Variants in PRKRA observed in about 807,000 individuals in gnomAD.
The protein encoded by PRKRA is protein activator of interferon induced protein kinase EIF2AK2.
Under a neutral mutation model 32.4 loss-of-function variants are expected in PRKRA, and 22 were observed. The observed-to-expected ratio is 0.68, with a 90% CI of 0.49 to 0.97. The LOEUF is 0.97. Ranked by LOEUF, PRKRA falls within the 50% of genes least tolerant of loss-of-function variation. The probability of loss-of-function intolerance (pLI) is 0.00; values close to 1 mark genes in which losing one functional copy is unlikely to be tolerated. For synonymous variants in PRKRA, 139 were observed against 129.8 expected, an observed-to-expected ratio of 1.07 and a Z score of -0.48; for missense variants, 319 against 375.6, an observed-to-expected ratio of 0.85 and a Z score of 1.25.
chr2:178,436,071 A>T, intron 7 of PRKRA, 74 bp downstream of exon 7: 1 of 1,079,838 alleles, frequency 9.3e-7, no homozygotes, highest in Admixed American at 3.1e-5. Context: ...TTTATTCCTC[A>T]AACACATTTT....
chr2:178,447,762 G>C (rs1182095972), intron 2 of PRKRA, among the ~76,000 whole-genome samples, 176 bp from the exon 3 acceptor site: 2 of 151,996 alleles, frequency 1.3e-5, no homozygotes, highest in Non-Finnish European at 2.9e-5. Flanking sequence ...ATACTACATG[G>C]TTATATACTG....
Position 178,450,309 on chromosome 2 carries a change from T to A in PRKRA, c.168A>T (p.Arg56Ser), listed in dbSNP as rs1416326316. ...TGGGCACGTGTATTTGCACATCAGA[T>A]CTTTCACATTCATAAACTGGGATGT... ...TKNIPVYECE[R>S]SDVQIHVPTF... Residue 56 changes from arginine (R) to serine (S), a missense_variant, in exon 2 of 8, where the codon AGA (arginine) becomes AGT (serine). Transcript: ENST00000325748. 1 of 1,614,278 alleles carries A rather than the reference T, an allele frequency of 6.2e-7. No individual in the cohort carries two copies. Among genetic ancestry groups the A allele is most frequent in the Non-Finnish European group, 8.5e-7 (1 of 1,180,050 alleles).
chr2:178,440,623 CT>C (rs1697074548), intron 6 of PRKRA, among the ~76,000 whole-genome samples: 1 of 152,176 alleles, frequency 6.6e-6, no homozygotes, highest in Non-Finnish European at 1.5e-5. Flanking sequence ...TACCATGCCC[CT>C]TTACCTCAGT....
In PRKRA at chr2:178,432,169, G is replaced by A. The variant is rs537898766; in HGVS notation, c.870C>T (p.Ser290=). The stretch of plus-strand genomic sequence containing the variant: ...CTGCATCACTTTGTGCATTGCCACA[G>A]GAGATACCGGAGCCATGACAGACTG... ...PITVCHGSGI[S]CGNAQSDAAH... Residue 290 remains serine (S), a synonymous_variant, in exon 8 of 8, where the codon TCC becomes TCT. Transcript: ENST00000325748. 61 of 1,614,230 alleles carry A rather than the reference G, an allele frequency of 3.8e-5. No homozygotes were observed. In the South Asian group the frequency reaches 6.7e-4, roughly 18 times the overall value.
chr2:178,433,053 A>C (rs1432793954), intron 7 of PRKRA, among the ~76,000 whole-genome samples: 6 of 152,212 alleles, frequency 3.9e-5, no homozygotes, highest in Non-Finnish European at 5.9e-5. Context: ...TTGATACTCT[A>C]TTTAGTGGAA....
intron 2 of PRKRA, 134 bp downstream of exon 2, chr2:178,450,108 A>T: frequency 8.9e-7 from 1 of 1,122,998 alleles, no homozygotes; most frequent in Non-Finnish European, 1.4e-6. Context: ...TAACGACCTG[A>T]GATGAGAGGT....
chr2:178,437,664 T>C (rs1023393807), intron 6 of PRKRA, among the ~76,000 whole-genome samples: 4 of 152,234 alleles, frequency 2.6e-5, no homozygotes, highest in East Asian at 1.9e-4. Flanking sequence ...TGAACCAATT[T>C]ATACTCCTAC....
intron 5 of PRKRA, 131 bp from the exon 6 acceptor site, chr2:178,441,835 C>T (rs142834816): frequency 2.4e-5 from 18 of 741,428 alleles, no homozygotes; most frequent in Non-Finnish European, 4.2e-5. Flanking sequence ...TATGTTCTTA[C>T]TGACCTGATA....
Position 178,447,504 on chromosome 2 carries a change from C to CATTAAGGGGTCAGGAACTGCAAAG in PRKRA, c.317_317+1insCTTTGCAGTTCCTGACCCCTTAAT (p.Leu113_Met114insIlePheAlaValProAspProLeu), listed in dbSNP as rs1697366798. 9.1e-3 allele frequency: 9,032 copies of CATTAAGGGGTCAGGAACTGCAAAG among 987,158 alleles called. 2 individuals carry two copies. The East Asian group carries it at 0.14, about 15-fold the overall frequency. 61.1% of individuals were successfully genotyped at this position (987,158 alleles called of 1,614,324 possible). A position where few individuals can be genotyped will look rare whatever the true frequency, so the allele number is the denominator to read the frequency against. On this transcript the variant is annotated inframe_insertion and splice_region_variant. Coordinates refer to ENST00000325748, the MANE Select transcript of PRKRA (RefSeq NM_003690.5). ...GCTGAATACAAAGAAATTTAGCTCACCAAATACTTGCATTGGCTTTCAAAA... is the reference window on the plus strand; with the variant it reads ...GCTGAATACAAAGAAATTTAGCTCACATTAAGGGGTCAGGAACTGCAAAGCAAATACTTGCATTGGCTTTCAAAA...
intron 2 of PRKRA, 21 bp from the exon 3 acceptor site, chr2:178,447,607 A>G (rs771258152): frequency 9.4e-5 from 151 of 1,613,870 alleles, no homozygotes; most frequent in Non-Finnish European, 1.2e-4. Flanking sequence ...ATTTAAAAAA[A>G]GAAGTCTTTA....
intron 5 of PRKRA, among the ~76,000 whole-genome samples, 183 bp from the exon 6 acceptor site, chr2:178,441,887 CTT>C (rs541455452): frequency 6.8e-5 from 9 of 131,716 alleles, no homozygotes; most frequent in Admixed American, 7.7e-5. Context: ...GCTATTAATT[CTT>C]TTTTTTTTTT....
At chr2:178,436,374 C>T (rs1696898263) in intron 6 of PRKRA, 55 bp from the exon 7 acceptor site, 9 of 1,123,430 alleles carry the variant, frequency 8.0e-6, no homozygotes, top group East Asian at 4.6e-5. Flanking sequence ...TTCCAACACC[C>T]GTACCAGTAT....
In PRKRA at chr2:178,448,621, T is replaced by C. The variant is rs184303403; in HGVS notation, c.236-1035A>G. On this transcript the variant is annotated intron_variant, in intron 2 of 7. Coordinates refer to ENST00000325748, the MANE Select transcript of PRKRA (RefSeq NM_003690.5). ...AAAAAAGAATGAACACTGGTTGTAA[T>C]GTGACAAAAGGACATCACAAGACTA... Among the ~76,000 whole-genome samples, 121 of 151,750 alleles carry C rather than the reference T, an allele frequency of 8.0e-4. 2 individuals carry two copies. In the East Asian group the frequency reaches 0.017, roughly 21 times the overall value.
At chr2:178,432,285 A>G (rs764605072) in intron 7 of PRKRA, 31 bp from the exon 8 acceptor site, 2 of 825,316 alleles carry the variant, frequency 2.4e-6, no homozygotes, top group Non-Finnish European at 1.7e-6. Context: ...ATGACGATTA[A>G]TGTCCAATAT....
chr2:178,437,685 G>A (rs1009718179), intron 6 of PRKRA, among the ~76,000 whole-genome samples: 5 of 152,122 alleles, frequency 3.3e-5, no homozygotes, highest in Non-Finnish European at 7.4e-5. Flanking sequence ...CAACTGTCTT[G>A]GAGGGGGCTT....
rs1221909113 is a variant in PRKRA, at chr2:178,436,179, C to T, written c.750G>A (p.Lys250=). 1 of 1,612,112 alleles carries T rather than the reference C, an allele frequency of 6.2e-7. No homozygotes were observed. The highest frequency in any genetic ancestry group is 2.2e-5 in the East Asian group (1 of 44,848). ...DYIQLLSEIA[K]EQGFNITYLD... is the part of the protein sequence containing the mutation. ...AATATGTTATATTAAAACCTTGTTC[C>T]TTGGCAATTTCACTAAGCAGCTGGA... The change falls in exon 7 of 8, where the codon AAG becomes AAA. Residue 250 remains lysine (K), a synonymous_variant. Transcript: ENST00000325748.
chr2:178,439,643 A>T (rs562660886), intron 6 of PRKRA: 2 of 152,186 alleles, frequency 1.3e-5, no homozygotes, highest in African/African-American at 4.8e-5. Flanking sequence ...GAACAAGGTT[A>T]AATAAAAGTG....
chr2:178,434,720 G>C (rs995066715), intron 7 of PRKRA, among the ~76,000 whole-genome samples: 6 of 152,232 alleles, frequency 3.9e-5, no homozygotes, highest in Admixed American at 3.9e-4. Flanking sequence ...GGAGTTCTTT[G>C]AGCCCCTAAG....
intron 5 of PRKRA, among the ~76,000 whole-genome samples, chr2:178,441,942 G>C (rs1013552016): frequency 1.0e-4 from 15 of 145,648 alleles, no homozygotes; most frequent in African/African-American, 3.9e-4. Context: ...CTGGAGTGCA[G>C]TGGCACCATC....
Sources: allele counts gnomAD v4.1 joint callset (sites outside exome capture counted in the v4.1 genomes callset), GRCh38; gene constraint gnomAD v4.1.1; transcripts MANE v1.5; gene names NCBI Gene and HGNC (gene_info 2026-07-23, HGNC 2026-07-21).